PALS1: variants seen among roughly 807,000 people sequenced by gnomAD.
The protein encoded by PALS1 is protein PALS1.
Under a neutral mutation model 78.9 loss-of-function variants are expected in PALS1, and 31 were observed. The observed-to-expected ratio is 0.39, with a 90% CI of 0.30 to 0.53. The LOEUF (loss-of-function observed/expected upper bound fraction) is 0.53, where lower values mean the gene tolerates loss of function less well. PALS1 is among the 20% of genes least tolerant of loss of function. PALS1 has a pLI of 0.67. For missense variants in PALS1, 704 were observed against 826.5 expected (o/e 0.85, Z 1.82); for synonymous variants, 276 against 270.9 (o/e 1.02, Z -0.18).
In PALS1 at chr14:67,334,783, A is replaced by C. The variant is rs1179286485; in HGVS notation, c.*1827A>C. 1 of 152,248 alleles carries C rather than the reference A, an allele frequency of 6.6e-6. No individual in the cohort carries two copies. 9.4% of individuals were successfully genotyped at this position (152,248 alleles called of 1,614,324 possible). A position where few individuals can be genotyped will look rare whatever the true frequency, so the allele number is the denominator to read the frequency against. Reference sequence around the variant, plus strand: ...TTCACAGGTCACACCGATTTTTAGCATTAAAAACTAAGGAATATACTTAGC... The same window carrying C: ...TTCACAGGTCACACCGATTTTTAGCCTTAAAAACTAAGGAATATACTTAGC... On this transcript the variant is annotated 3_prime_UTR_variant, in exon 15 of 15. Coordinates refer to ENST00000261681, the MANE Select transcript of PALS1 (RefSeq NM_022474.4).
chr14:67,312,450 TG>T (rs1405417903), intron 8 of PALS1, 76 bp from the exon 9 acceptor site: 34 of 1,034,064 alleles, frequency 3.3e-5, no homozygotes, highest in Non-Finnish European at 4.1e-5. Flanking sequence ...ATAAAAAATT[TG>T]TAGCATTTAA....
intron 14 of PALS1, among the ~76,000 whole-genome samples, chr14:67,326,382 A>T (rs1465925596): frequency 6.6e-6 from 1 of 151,600 alleles, no homozygotes; most frequent in Non-Finnish European, 1.5e-5. Context: ...TAGCTTATAC[A>T]TATTTTTAAA....
At chr14:67,277,764 T>C (rs1873341295) in intron 2 of PALS1, among the ~76,000 whole-genome samples, 1 of 152,150 alleles carries the variant, frequency 6.6e-6, no homozygotes, top group South Asian at 2.1e-4. Flanking sequence ...ATCAAGTTAA[T>C]ACTGGTAATT....
intron 1 of PALS1, among the ~76,000 whole-genome samples, chr14:67,267,594 C>T (rs558299577): frequency 1.4e-3 from 206 of 152,218 alleles, no homozygotes; most frequent in African/African-American, 4.6e-3. Flanking sequence ...ATTTTCAAAA[C>T]GGGTTTATTG....
chr14:67,323,204 T>TATATATACATATATACAC (rs1478690672), intron 13 of PALS1, among the ~76,000 whole-genome samples: 1 of 141,554 alleles, frequency 7.1e-6, no homozygotes, highest in Non-Finnish European at 1.5e-5. Flanking sequence ...TATATGTGTA[T>TATATATACATATATACAC]ATATATACAT....
In PALS1 at chr14:67,270,621, A is replaced by G. The variant is rs991687313; in HGVS notation, c.-154+838A>G. The G allele has an allele frequency of 3.1e-4, 47 of 150,012 alleles. No homozygotes were observed. The Middle Eastern group carries it at 0.01, about 33-fold the overall frequency. The allele number at this position is 150,012 out of a possible 1,614,324, so 9.3% of individuals were successfully genotyped here. A position where few individuals can be genotyped will look rare whatever the true frequency, so the allele number is the denominator to read the frequency against. On this transcript the variant is annotated intron_variant, in intron 2 of 14. Coordinates refer to ENST00000261681, the MANE Select transcript of PALS1 (RefSeq NM_022474.4). The stretch of plus-strand genomic sequence containing the variant: ...TTTTTTTTAAAGAGAGGGAGAGTGC[A>G]ATTGCTTTGGACTGGGAGGACTTTT...
intron 3 of PALS1, among the ~76,000 whole-genome samples, chr14:67,288,776 A>G (rs1057476632): frequency 2.0e-4 from 31 of 151,978 alleles, no homozygotes; most frequent in African/African-American, 7.2e-4. Context: ...ATATTAGCTT[A>G]TGGTTAGATT....
chr14:67,325,337 A>G (rs1419006442), intron 14 of PALS1, among the ~76,000 whole-genome samples: 1 of 152,196 alleles, frequency 6.6e-6, no homozygotes, highest in Non-Finnish European at 1.5e-5. Flanking sequence ...AATGATATAT[A>G]TATATCATCC....
rs375048615 is a variant in PALS1 at position 67,302,581 on chromosome 14, C to T, written c.963+10C>T. The T allele has an allele frequency of 2.3e-4, 339 of 1,467,430 alleles. 3 individuals are homozygous for T. The African/African-American group carries it at 4.6e-3, about 20-fold the overall frequency. The allele number at this position is 1,467,430 out of a possible 1,614,324, so 90.9% of individuals were successfully genotyped here. On this transcript the variant is annotated intron_variant, in intron 7 of 14. Coordinates refer to ENST00000261681, the MANE Select transcript of PALS1 (RefSeq NM_022474.4). Reference sequence around the variant, plus strand: ...GGTTTTTGACTTGTTGGTAAGTTGACGCAGCTAGAAGAATAATTGATAGCT... The same window carrying T: ...GGTTTTTGACTTGTTGGTAAGTTGATGCAGCTAGAAGAATAATTGATAGCT...
intron 11 of PALS1, among the ~76,000 whole-genome samples, chr14:67,319,379 AC>A (rs1165085192): frequency 6.6e-6 from 1 of 152,112 alleles, no homozygotes; most frequent in African/African-American, 2.4e-5. Context: ...TAGGAATGTT[AC>A]CCCACCTGTC....
At chr14:67,288,215 C>T (rs1001253107) in intron 3 of PALS1, among the ~76,000 whole-genome samples, 3 of 152,066 alleles carry the variant, frequency 2.0e-5, no homozygotes, top group African/African-American at 7.2e-5. Flanking sequence ...AAGTAGCTGG[C>T]ACTTTAGACA....
At chr14:67,244,062 G>A (rs1457935415) in intron 1 of PALS1, among the ~76,000 whole-genome samples, 1 of 152,156 alleles carries the variant, frequency 6.6e-6, no homozygotes, top group African/African-American at 2.4e-5. Flanking sequence ...CCAATAAGTT[G>A]CCTTTTCCAA....
chr14:67,306,072 C>G (rs1242215927), intron 8 of PALS1, among the ~76,000 whole-genome samples: 1 of 152,196 alleles, frequency 6.6e-6, no homozygotes, highest in Non-Finnish European at 1.5e-5. Context: ...CAGAGTCAAG[C>G]AGTTCTCCTG....
At position 67,286,241 on chromosome 14, in the gene PALS1, C is replaced by T. The variant is rs567716507; in HGVS notation, c.368-6270C>T. ...TCCACTCCCAACCTAGCACATATATCAGTCTTTCTCACTAGCCTTGTGGTT... is the reference window on the plus strand; with the variant it reads ...TCCACTCCCAACCTAGCACATATATTAGTCTTTCTCACTAGCCTTGTGGTT... On this transcript the variant is annotated intron_variant, in intron 3 of 14. Coordinates refer to ENST00000261681, the MANE Select transcript of PALS1 (RefSeq NM_022474.4). 2.6e-5 allele frequency among the ~76,000 whole-genome samples: 4 copies of T among 152,308 alleles called. No individual in the cohort carries two copies. The East Asian group carries it at 7.7e-4, about 29-fold the overall frequency.
chr14:67,261,425 T>A (rs2084234953), intron 1 of PALS1, among the ~76,000 whole-genome samples: 2 of 152,146 alleles, frequency 1.3e-5, no homozygotes. Flanking sequence ...GTTGGTATAG[T>A]TATAAGTATG....
chr14:67,329,537 GGCATCCCTGTCTT>G, intron 14 of PALS1, among the ~76,000 whole-genome samples: 1 of 152,224 alleles, frequency 6.6e-6, no homozygotes, highest in African/African-American at 2.4e-5. Flanking sequence ...GGTGAGAGAG[GGCATCCCTGTCTT>G]GCGCCAGTTT....
At chr14:67,323,210 T>TAC (rs1234314485) in intron 13 of PALS1, among the ~76,000 whole-genome samples, 5 of 140,428 alleles carry the variant, frequency 3.6e-5, no homozygotes, top group Admixed American at 1.5e-4. Context: ...TGTATATATA[T>TAC]ACATATATAC....
intron 4 of PALS1, among the ~76,000 whole-genome samples, chr14:67,293,786 A>G (rs952243092): frequency 7.2e-5 from 11 of 152,226 alleles, no homozygotes; most frequent in Admixed American, 2.0e-4. Flanking sequence ...GTTGGGAAGA[A>G]TACAAAATAA....
At chr14:67,256,797 G>GACACACAC (rs10654145) in intron 1 of PALS1, among the ~76,000 whole-genome samples, 1,774 of 147,770 alleles carry the variant, frequency 0.012, 34 homozygotes, top group African/African-American at 0.039. Flanking sequence ...AGAAACTATT[G>GACACACAC]ACACACACAC....
Sources: allele counts gnomAD v4.1 joint callset (sites outside exome capture counted in the v4.1 genomes callset), GRCh38; gene constraint gnomAD v4.1.1; transcripts MANE v1.5; gene names NCBI Gene and HGNC (gene_info 2026-07-23, HGNC 2026-07-21).